Variants in SYT16 observed in about 807,000 individuals in gnomAD.
SYT16 encodes the protein synaptotagmin-16.
In SYT16, 42 loss-of-function variants were observed where a neutral mutation model predicts 61.4. That is an observed-to-expected ratio of 0.68 (90% CI 0.53 to 0.89). The LOEUF (loss-of-function observed/expected upper bound fraction) is 0.89, where lower values mean the gene tolerates loss of function less well. Among genes scored for constraint, SYT16 ranks in the 40% least tolerant of loss-of-function variants. The pLI, the probability that SYT16 is intolerant of heterozygous loss-of-function variation, is 0.00. For missense variants in SYT16, 804 were observed against 807.3 expected, an observed-to-expected ratio of 1.00 and a Z score of 0.05; for synonymous variants, 314 against 302.3, an observed-to-expected ratio of 1.04 and a Z score of -0.40.
chr14:61,974,141 G>T (rs2051682600), intron 2 of SYT16, among the ~76,000 whole-genome samples: 1 of 152,190 alleles, frequency 6.6e-6, no homozygotes, highest in Non-Finnish European at 1.5e-5. Context: ...TTCCTCCAGT[G>T]AGCAGGAGAA....
At chr14:62,069,862 G>A (rs1167215102) in intron 4 of SYT16, 47 bp downstream of exon 4, 3 of 1,581,542 alleles carry the variant, frequency 1.9e-6, no homozygotes, top group South Asian at 2.2e-5. Context: ...ATGGCCAATG[G>A]TAAGAGTGCA....
chr14:62,016,539 CAAAA>C (rs10610233), intron 3 of SYT16, among the ~76,000 whole-genome samples: 2,532 of 97,252 alleles, frequency 0.026, 27 homozygotes, highest in South Asian at 0.098. Flanking sequence ...TCTAAAAATA[CAAAA>C]AAAAAAAAAA....
intron 5 of SYT16, among the ~76,000 whole-genome samples, chr14:62,075,812 C>T (rs972369725): frequency 2.6e-5 from 4 of 151,924 alleles, no homozygotes; most frequent in Admixed American, 6.6e-5. Context: ...TCTCAAGTTA[C>T]GATTATTTGA....
intron 1 of SYT16, among the ~76,000 whole-genome samples, chr14:61,940,370 C>A (rs933385990): frequency 6.6e-6 from 1 of 152,028 alleles, no homozygotes; most frequent in Non-Finnish European, 1.5e-5. Flanking sequence ...CACTGAATCC[C>A]TATTGACAGT....
At chr14:62,036,433 GC>G (rs1034816058) in intron 3 of SYT16, among the ~76,000 whole-genome samples, 6 of 152,136 alleles carry the variant, frequency 3.9e-5, no homozygotes, top group Non-Finnish European at 8.8e-5. Context: ...AAGCTGCCCT[GC>G]TGGCCATCAG....
At chr14:61,985,836 C>T (rs8010812) in intron 2 of SYT16, among the ~76,000 whole-genome samples, 1 of 151,780 alleles carries the variant, frequency 6.6e-6, no homozygotes, top group East Asian at 1.9e-4. Flanking sequence ...GATATGGCTG[C>T]TAGATGCTAC....
intron 1 of SYT16, among the ~76,000 whole-genome samples, chr14:61,935,540 G>A (rs1465992235): frequency 1.3e-5 from 2 of 152,154 alleles, no homozygotes; most frequent in Non-Finnish European, 1.5e-5. Flanking sequence ...CTCTAAGCCT[G>A]TGTGTCCTGA....
intron 1 of SYT16, among the ~76,000 whole-genome samples, chr14:61,881,642 A>G (rs370764595): frequency 1.9e-4 from 29 of 152,168 alleles, no homozygotes; most frequent in African/African-American, 6.5e-4. Flanking sequence ...ATGGTGATGT[A>G]TAGCTTTTTC....
intron 3 of SYT16, among the ~76,000 whole-genome samples, chr14:62,004,400 C>T (rs924971495): frequency 3.3e-5 from 5 of 152,098 alleles, no homozygotes; most frequent in Non-Finnish European, 5.9e-5. Context: ...TCCCTCCCTC[C>T]ACACATGGGG....
intron 1 of SYT16, among the ~76,000 whole-genome samples, chr14:61,935,693 T>C (rs2049954774): frequency 6.6e-6 from 1 of 152,240 alleles, no homozygotes; most frequent in African/African-American, 2.4e-5. Flanking sequence ...GACCTTCACC[T>C]GGATGTGTCC....
intron 1 of SYT16, among the ~76,000 whole-genome samples, chr14:61,844,706 A>C (rs376302232): frequency 1.1e-4 from 16 of 152,262 alleles, no homozygotes; most frequent in African/African-American, 3.6e-4. Flanking sequence ...CATATGTTGA[A>C]CCATCCTTGC....
intron 6 of SYT16, 85 bp downstream of exon 6, chr14:62,081,359 G>C: frequency 1.5e-6 from 2 of 1,372,596 alleles, no homozygotes; most frequent in Admixed American, 2.4e-5. Context: ...CGTTCAGTCT[G>C]TGAATTCAGA....
At chr14:61,832,829 A>G (rs1421269741) in intron 1 of SYT16, among the ~76,000 whole-genome samples, 1 of 152,160 alleles carries the variant, frequency 6.6e-6, no homozygotes, top group African/African-American at 2.4e-5. Context: ...TTATTTATAA[A>G]ATTTTATTTG....
intron 1 of SYT16, among the ~76,000 whole-genome samples, chr14:61,900,240 C>G (rs1335021105): frequency 6.6e-6 from 1 of 151,254 alleles, no homozygotes; most frequent in Non-Finnish European, 1.5e-5. Flanking sequence ...CTCACTGCAA[C>G]CTCTGCCTCC....
intron 1 of SYT16, among the ~76,000 whole-genome samples, chr14:61,850,289 C>A (rs2046574527): frequency 6.6e-6 from 1 of 151,972 alleles, no homozygotes; most frequent in Admixed American, 6.6e-5. Context: ...CACCTGCCAC[C>A]ATGCCTGGCT....
At chr14:61,986,402 T>C (rs2052314320) in intron 2 of SYT16, among the ~76,000 whole-genome samples, 1 of 150,886 alleles carries the variant, frequency 6.6e-6, no homozygotes, top group Non-Finnish European at 1.5e-5. Flanking sequence ...GGATTGAATA[T>C]TATTATTAGA....
chr14:61,814,578 C>A (rs974476722), intron 1 of SYT16, among the ~76,000 whole-genome samples: 3 of 152,164 alleles, frequency 2.0e-5, no homozygotes, highest in Non-Finnish European at 4.4e-5. Context: ...ATGGTATACT[C>A]AACTGTACTG....
At position 61,964,267 on chromosome 14, in the gene SYT16, G is replaced by T. The variant is rs553311077; in HGVS notation, c.-324-5865G>T. ...AAGCACATTGAAAACATTTGGAAAGGTTCACCATTCTAGATGCTATTAAGG... is the reference window on the plus strand; with the variant it reads ...AAGCACATTGAAAACATTTGGAAAGTTTCACCATTCTAGATGCTATTAAGG... On this transcript the variant is annotated intron_variant, in intron 1 of 7. Transcript: ENST00000683842. Among the ~76,000 whole-genome samples the T allele has an allele frequency of 7.9e-5, 12 of 152,250 alleles. No individual in the cohort carries two copies. The East Asian group carries it at 2.3e-3, about 29-fold the overall frequency.
chr14:62,023,870 G>T (rs1178912473), intron 3 of SYT16, among the ~76,000 whole-genome samples: 1 of 152,042 alleles, frequency 6.6e-6, no homozygotes, highest in Non-Finnish European at 1.5e-5. Context: ...CCAAACATTG[G>T]TAGTGTATTC....
Sources: gnomAD v4.1 joint callset for allele counts (sites outside exome capture counted in the v4.1 genomes callset) on GRCh38, gnomAD v4.1.1 for gene constraint, MANE v1.5 for transcripts, NCBI Gene and HGNC (gene_info 2026-07-23, HGNC 2026-07-21) for gene names.